MEAF6: variants seen among roughly 807,000 people sequenced by gnomAD.
MEAF6 encodes the protein chromatin modification-related protein MEAF6.
MEAF6 carries 15 observed loss-of-function variants against 28.9 expected under a neutral mutation model. That is an observed-to-expected ratio of 0.52 (90% CI 0.35 to 0.80). MEAF6 has a LOEUF of 0.80. Among genes scored for constraint, MEAF6 ranks in the 30% least tolerant of loss-of-function variants. The pLI is 0.01. For synonymous variants in MEAF6, 97 were observed against 88.7 expected, an observed-to-expected ratio of 1.09 and a Z score of -0.53; for missense variants, 178 against 237.5, an observed-to-expected ratio of 0.75 and a Z score of 1.65.
chr1:37,513,990 A>G (rs1006869826), intron 1 of MEAF6: 2 of 185,372 alleles, frequency 1.1e-5, no homozygotes, highest in Non-Finnish European at 2.2e-5. Context: ...GGAAACCTAG[A>G]AGGGCAGCTT....
chr1:37,512,105 T>C (rs1311695276), intron 2 of MEAF6, among the ~76,000 whole-genome samples: 3 of 152,162 alleles, frequency 2.0e-5, no homozygotes, highest in Non-Finnish European at 4.4e-5. Flanking sequence ...CTGGGAGATA[T>C]AACTACAAAG....
chr1:37,504,831 T>G (rs1200767117), intron 4 of MEAF6, among the ~76,000 whole-genome samples: 1 of 148,290 alleles, frequency 6.7e-6, no homozygotes, highest in Non-Finnish European at 1.5e-5. Flanking sequence ...ACACACATTA[T>G]CTATTTCTAA....
intron 4 of MEAF6, among the ~76,000 whole-genome samples, chr1:37,503,465 A>G (rs1642380300): frequency 6.6e-6 from 1 of 152,000 alleles, no homozygotes; most frequent in Admixed American, 6.5e-5. Flanking sequence ...AGCTTGGACA[A>G]CACAGCCAGA....
chr1:37,504,003 TACCTAAA>T (rs1399649837), intron 4 of MEAF6, among the ~76,000 whole-genome samples: 4 of 152,192 alleles, frequency 2.6e-5, no homozygotes, highest in African/African-American at 9.6e-5. Context: ...TCTGTGTCCC[TACCTAAA>T]TCTCAACTCG....
At chr1:37,498,359 AAAG>A (rs1642186753) in intron 5 of MEAF6, among the ~76,000 whole-genome samples, 1 of 151,752 alleles carries the variant, frequency 6.6e-6, no homozygotes, top group Admixed American at 6.6e-5. Flanking sequence ...CAGACTATCT[AAAG>A]TAATTTTTTA....
chr1:37,504,303 C>G (rs1244263979), intron 4 of MEAF6, among the ~76,000 whole-genome samples: 1 of 152,090 alleles, frequency 6.6e-6, no homozygotes, highest in African/African-American at 2.4e-5. Flanking sequence ...TTATAAATTA[C>G]CCAGTCTCAG....
At chr1:37,504,800 TAC>T (rs143477333) in intron 4 of MEAF6, among the ~76,000 whole-genome samples, 135 of 135,102 alleles carry the variant, frequency 1.0e-3, no homozygotes, top group African/African-American at 2.2e-3. Context: ...AAAATTTATA[TAC>T]ACACACACAC....
Position 37,514,658 on chromosome 1 carries a change from G to A in MEAF6, c.89C>T (p.Ala30Val), listed in dbSNP as rs1359303490. The A allele has an allele frequency of 1.3e-6, 2 of 1,535,194 alleles. No individual in the cohort carries two copies. Among genetic ancestry groups the A allele is most frequent in the South Asian group, 1.2e-5 (1 of 84,226 alleles). The change falls in exon 1 of 7, where the codon GCG becomes GTG. Residue 30 changes from alanine to valine, a missense_variant and splice_region_variant. Ala to Val is a moderately conservative substitution (Grantham distance 64). This residue lies in a region of MEAF6 where 124 missense variants were observed against 200.5 expected (regional missense o/e 0.62). Coordinates refer to ENST00000296214, the MANE Select transcript of MEAF6 (RefSeq NM_001270875.3). ...AELVKRKQELAETLANLERQI... is the reference protein window; with the variant it reads ...AELVKRKQELVETLANLERQI... ...GCAACCCCTGTCCTAGCCCCTCACCGCCAGCTCCTGCTTCCGCTTCACGAG... is the reference window on the plus strand; with the variant it reads ...GCAACCCCTGTCCTAGCCCCTCACCACCAGCTCCTGCTTCCGCTTCACGAG...
At chr1:37,497,334 G>A (rs1234736785) in intron 5 of MEAF6, among the ~76,000 whole-genome samples, 1 of 152,024 alleles carries the variant, frequency 6.6e-6, no homozygotes, top group Non-Finnish European at 1.5e-5. Flanking sequence ...TGCCTCCCGG[G>A]TTCACGCCAT....
At position 37,494,054 on chromosome 1, in the gene MEAF6, G is replaced by C. The variant is rs1429894992; in HGVS notation, c.*45C>G. 2 of 1,603,216 alleles carry C rather than the reference G, an allele frequency of 1.2e-6. No homozygotes were observed. The highest frequency in any genetic ancestry group is 2.7e-5 in the African/African-American group (2 of 73,960). ...TTTATCTTTGTGAGGTCAGAGAAGG[G>C]AAGCAGGGCTCTACAGCCTGGAAGC... On this transcript the variant is annotated 3_prime_UTR_variant, in exon 7 of 7. Coordinates refer to ENST00000296214, the MANE Select transcript of MEAF6 (RefSeq NM_001270875.3).
At position 37,492,552 on chromosome 1, in the gene MEAF6, G is replaced by T. The variant is rs1569944080; in HGVS notation, c.*1547C>A. 1 of 94,142 alleles carries T rather than the reference G, an allele frequency of 1.1e-5. No individual in the cohort carries two copies. Among genetic ancestry groups the T allele is most frequent in the African/African-American group, 3.9e-5 (1 of 25,756 alleles). The allele number at this position is 94,142 out of a possible 1,614,324, so 5.8% of individuals were successfully genotyped here. ...AAAGACACAGTCAAAGATCTAAATA[G>T]CCAGAGTCAAAAAAAAAAAAAAAAA... On this transcript the variant is annotated 3_prime_UTR_variant, in exon 7 of 7. Transcript: ENST00000296214.
At position 37,490,793 on chromosome 1, in the gene MEAF6, G is replaced by A. The variant is rs1339580852; in HGVS notation, c.*3306C>T. ...TGTAATCCTAGCACTTTGGGAGGCT[G>A]AGGCAGGTGGATTACGAAGTCAGGA... On this transcript the variant is annotated 3_prime_UTR_variant, in exon 7 of 7. Transcript: ENST00000296214. Among the ~76,000 whole-genome samples, 2 of 152,172 alleles carry A rather than the reference G, an allele frequency of 1.3e-5. No individual in the cohort carries two copies. The highest frequency in any genetic ancestry group is 2.4e-5 in the African/African-American group (1 of 41,440).
At chr1:37,502,094 C>G in intron 4 of MEAF6, 98 bp from the exon 5 acceptor site, 1 of 938,982 alleles carries the variant, frequency 1.1e-6, no homozygotes, top group Non-Finnish European at 1.6e-6. Flanking sequence ...AAAAACCATT[C>G]CCTATCCTCT....
intron 2 of MEAF6, among the ~76,000 whole-genome samples, chr1:37,512,847 G>A (rs1216108429): frequency 6.6e-6 from 1 of 152,094 alleles, no homozygotes; most frequent in African/African-American, 2.4e-5. Flanking sequence ...AGCTAAGTTC[G>A]TGCTACTGCA....
chr1:37,513,875 G>T, intron 1 of MEAF6: 1 of 373,872 alleles, frequency 2.7e-6, no homozygotes, highest in Non-Finnish European at 4.8e-6. Flanking sequence ...CGCACAAAAG[G>T]TATCGCTACC....
At position 37,513,420 on chromosome 1, in the gene MEAF6, C is replaced by T; in HGVS notation, c.206+3G>A. 1 of 1,610,932 alleles carries T rather than the reference C, an allele frequency of 6.2e-7. No individual in the cohort carries two copies. Among genetic ancestry groups the T allele is most frequent in the Non-Finnish European group, 8.5e-7 (1 of 1,177,098 alleles). On this transcript the variant is annotated splice_donor_region_variant and intron_variant, in intron 2 of 6. Coordinates refer to ENST00000296214, the MANE Select transcript of MEAF6 (RefSeq NM_001270875.3). ...AGGAACACTACAGGCTTTCGACACTCACTTTTGGTTGGTCAGATACCGATC... is the reference window on the plus strand; with the variant it reads ...AGGAACACTACAGGCTTTCGACACTTACTTTTGGTTGGTCAGATACCGATC...
chr1:37,497,356 A>G (rs1159497388), intron 5 of MEAF6, among the ~76,000 whole-genome samples: 2 of 151,916 alleles, frequency 1.3e-5, no homozygotes, highest in East Asian at 3.9e-4. Flanking sequence ...CTCCTGCCTC[A>G]GCCTCCCTCA....
chr1:37,510,456 A>G (rs1054165428), intron 2 of MEAF6, among the ~76,000 whole-genome samples: 3 of 137,010 alleles, frequency 2.2e-5, no homozygotes, highest in African/African-American at 8.3e-5. Context: ...ATCCAGGGTC[A>G]CTGCAATCTC....
intron 4 of MEAF6, among the ~76,000 whole-genome samples, chr1:37,503,310 C>T (rs930218621): frequency 1.3e-5 from 2 of 152,106 alleles, no homozygotes; most frequent in Admixed American, 6.6e-5. Context: ...CTGTAGATTA[C>T]CTTAATAAAA....
Sources: gnomAD v4.1 joint callset for allele counts (sites outside exome capture counted in the v4.1 genomes callset) on GRCh38, gnomAD v4.1.1 for gene constraint, gnomAD v4.1.1 regional missense constraint, MANE v1.5 for transcripts, NCBI Gene and HGNC (gene_info 2026-07-23, HGNC 2026-07-21) for gene names.